PDE4D: variants seen among roughly 807,000 people sequenced by gnomAD.
The protein encoded by PDE4D is phosphodiesterase 4D, also known as 3',5'-cyclic-AMP phosphodiesterase 4D.
A neutral mutation model predicts 87.4 loss-of-function variants in PDE4D; 24 were observed. That is an observed-to-expected ratio of 0.27 (90% confidence interval 0.20 to 0.39). PDE4D has a LOEUF of 0.39. PDE4D is among the 10% of genes least tolerant of loss of function. The probability of loss-of-function intolerance (pLI) is 1.00; values close to 1 mark genes in which losing one functional copy is unlikely to be tolerated. For missense variants in PDE4D, 714 were observed against 1,041.0 expected, an observed-to-expected ratio of 0.69 and a Z score of 4.32; for synonymous variants, 384 against 383.2, an observed-to-expected ratio of 1.00 and a Z score of -0.02.
At chr5:60,460,654 GCC>G in intron 1 of PDE4D, 1 of 1,157,488 alleles carries the variant, frequency 8.6e-7, no homozygotes, top group Non-Finnish European at 1.3e-6. Flanking sequence ...GCCTGCAGAG[GCC>G]AATGTCTCCT....
chr5:60,092,445 T>C (rs1775235731), intron 2 of PDE4D, among the ~76,000 whole-genome samples: 1 of 152,172 alleles, frequency 6.6e-6, no homozygotes, highest in Admixed American at 6.5e-5. Flanking sequence ...ATTTGGAATG[T>C]TCCCAGCACA....
intron 2 of PDE4D, among the ~76,000 whole-genome samples, chr5:60,030,089 A>C (rs1166673303): frequency 6.6e-6 from 1 of 152,216 alleles, no homozygotes; most frequent in Non-Finnish European, 1.5e-5. Context: ...GGTTTAATTA[A>C]TCCCAATATC....
chr5:60,012,292 G>C (rs1007270453), intron 2 of PDE4D, among the ~76,000 whole-genome samples: 1 of 152,084 alleles, frequency 6.6e-6, no homozygotes, highest in African/African-American at 2.4e-5. Context: ...TCCTTTTAAT[G>C]TATTTCTTTT....
chr5:59,231,130 C>A (rs181541393), intron 1 of PDE4D, among the ~76,000 whole-genome samples: 1 of 152,154 alleles, frequency 6.6e-6, no homozygotes, highest in Non-Finnish European at 1.5e-5. Context: ...GGATGGGCTA[C>A]CACAGAGGTA....
intron 5 of PDE4D, among the ~76,000 whole-genome samples, chr5:59,176,498 G>A (rs1783906789): frequency 6.6e-6 from 1 of 151,404 alleles, no homozygotes; most frequent in African/African-American, 2.4e-5. Flanking sequence ...AGGTTGCAGT[G>A]AGCCTCAGAT....
chr5:59,575,828 A>G (rs73758812), intron 1 of PDE4D, among the ~76,000 whole-genome samples: 2,659 of 152,240 alleles, frequency 0.017, 73 homozygotes, highest in African/African-American at 0.059. Flanking sequence ...TAAACAGAAA[A>G]TCCATCCTGT....
chr5:59,315,408 G>T (rs1218930988), intron 1 of PDE4D, among the ~76,000 whole-genome samples: 1 of 152,136 alleles, frequency 6.6e-6, no homozygotes, highest in South Asian at 2.1e-4. Context: ...GCAGGAAGCA[G>T]CCACAGAGGA....
At chr5:59,392,264 G>A (rs573230) in intron 1 of PDE4D, among the ~76,000 whole-genome samples, 61,167 of 151,218 alleles carry the variant, frequency 0.4, 12,531 homozygotes, top group East Asian at 0.49. Context: ...AGCTGCCAGC[G>A]CTGCTAGAAT....
At chr5:59,043,542 TAAC>T (rs1760057044) in intron 5 of PDE4D, among the ~76,000 whole-genome samples, 1 of 152,114 alleles carries the variant, frequency 6.6e-6, no homozygotes, top group South Asian at 2.1e-4. Flanking sequence ...AAAAAAATTA[TAAC>T]AACTGATCCA....
At chr5:59,092,569 G>A (rs1768933205) in intron 5 of PDE4D, among the ~76,000 whole-genome samples, 1 of 152,156 alleles carries the variant, frequency 6.6e-6, no homozygotes, top group African/African-American at 2.4e-5. Context: ...TAAAAGTACG[G>A]TTTCATTTTA....
chr5:59,581,793 G>A (rs891114342), intron 1 of PDE4D, among the ~76,000 whole-genome samples: 1 of 151,846 alleles, frequency 6.6e-6, no homozygotes, highest in Admixed American at 6.6e-5. Flanking sequence ...AAAATTAAGG[G>A]GCATACAGCT....
At chr5:60,304,895 A>T (rs1754335555) in intron 1 of PDE4D, among the ~76,000 whole-genome samples, 1 of 151,990 alleles carries the variant, frequency 6.6e-6, no homozygotes, top group South Asian at 2.1e-4. Flanking sequence ...TGTAAACTGG[A>T]TATTAAGTTT....
chr5:59,646,927 C>T (rs544171702), intron 1 of PDE4D, among the ~76,000 whole-genome samples: 7 of 152,072 alleles, frequency 4.6e-5, no homozygotes, highest in Admixed American at 3.3e-4. Flanking sequence ...CCCAGCTACT[C>T]GAGAGGCTGA....
rs1198558376 is a variant in PDE4D, at chr5:59,229,051, C to T, written c.456-13083G>A. Among the ~76,000 whole-genome samples the T allele has an allele frequency of 2.0e-5, 3 of 151,936 alleles. No individual in the cohort carries two copies. The East Asian group carries it at 5.8e-4, about 29-fold the overall frequency. On this transcript the variant is annotated intron_variant, in intron 1 of 14. Transcript: ENST00000340635. ...ACCTTCCTTACTCTTAATTTTTCTCCATCGCATTTAACAGCTTCTGATGAA... is the reference window on the plus strand; with the variant it reads ...ACCTTCCTTACTCTTAATTTTTCTCTATCGCATTTAACAGCTTCTGATGAA...
intron 1 of PDE4D, among the ~76,000 whole-genome samples, chr5:59,792,882 T>C (rs774435694): frequency 5.3e-5 from 8 of 152,026 alleles, no homozygotes; most frequent in Non-Finnish European, 1.2e-4. Flanking sequence ...CTGATTGGAA[T>C]TGGAATTGGA....
chr5:60,205,017 A>T (rs1742335183), intron 1 of PDE4D, among the ~76,000 whole-genome samples: 1 of 152,136 alleles, frequency 6.6e-6, no homozygotes, highest in Admixed American at 6.5e-5. Context: ...GATTATTATT[A>T]TTTTTGTAGC....
chr5:60,015,940 T>C (rs1334967981), intron 2 of PDE4D, among the ~76,000 whole-genome samples: 1 of 150,620 alleles, frequency 6.6e-6, no homozygotes, highest in African/African-American at 2.4e-5. Context: ...CAGGCTGGAG[T>C]GCAGTGGCAC....
chr5:59,084,328 A>T (rs1238980410), intron 5 of PDE4D, among the ~76,000 whole-genome samples: 2 of 152,006 alleles, frequency 1.3e-5, no homozygotes, highest in African/African-American at 4.8e-5. Context: ...TAATTATTAG[A>T]GATATAAATA....
At chr5:60,258,153 G>A (rs374297309) in intron 1 of PDE4D, among the ~76,000 whole-genome samples, 1 of 151,910 alleles carries the variant, frequency 6.6e-6, no homozygotes, top group East Asian at 1.9e-4. Context: ...CACAGAACAA[G>A]CTACTCCAGC....
Sources: gnomAD v4.1 joint callset for allele counts (sites outside exome capture counted in the v4.1 genomes callset) on GRCh38, gnomAD v4.1.1 for gene constraint, MANE v1.5 for transcripts, NCBI Gene and HGNC (gene_info 2026-07-23, HGNC 2026-07-21) for gene names.